Variants in PSG2 observed in about 807,000 individuals in gnomAD.
PSG2 encodes pregnancy specific beta-1-glycoprotein 2.
PSG2 carries 49 observed loss-of-function variants against 36.2 expected under a neutral mutation model. That is an observed-to-expected ratio of 1.35 (90% CI 1.08 to 1.72). The LOEUF (loss-of-function observed/expected upper bound fraction) is 1.72, where lower values mean the gene tolerates loss of function less well. PSG2 is among the 40% of genes most tolerant of loss of function. PSG2 has a pLI of 0.00. For synonymous variants in PSG2, 261 were observed against 155.6 expected (o/e 1.68, Z -5.04); for missense variants, 605 against 407.2 (o/e 1.49, Z -4.18).
intron 2 of PSG2, 111 bp downstream of exon 2, chr19:43,080,770 G>C: frequency 1.3e-6 from 2 of 1,595,120 alleles, no homozygotes; most frequent in Non-Finnish European, 1.7e-6. Flanking sequence ...CCCAGCATGG[G>C]ACATAATGCA....
In PSG2 at chr19:43,071,844, T is replaced by C. The variant is rs1967822146; in HGVS notation, c.820A>G (p.Thr274Ala). Reference protein sequence around the residue: ...NSNPPAQYSWTINGKFQQSGQ... With the variant: ...NSNPPAQYSWAINGKFQQSGQ... ...GATTGCTGAAACTTCCCATTAATTG[T>C]CCAAGAATACTGTGCCGGTGGGTTA... Residue 274 changes from threonine to alanine, a missense_variant, in exon 4 of 6, where the codon ACA (threonine) becomes GCA (alanine). Physicochemically the swap from Thr to Ala is moderately conservative, Grantham distance 58. Coordinates refer to ENST00000406487, the MANE Select transcript of PSG2 (RefSeq NM_031246.4). 1 of 1,613,148 alleles carries C rather than the reference T, an allele frequency of 6.2e-7. No individual in the cohort carries two copies. The highest frequency in any genetic ancestry group is 2.2e-5 in the East Asian group (1 of 44,876).
At chr19:43,079,732 G>T (rs1379098629) in intron 2 of PSG2, among the ~76,000 whole-genome samples, 1 of 151,710 alleles carries the variant, frequency 6.6e-6, no homozygotes, top group Non-Finnish European at 1.5e-5. Flanking sequence ...TAGTTCTGGA[G>T]TACAGATTAA....
chr19:43,071,912 T>C lies in PSG2; in HGVS notation c.752A>G (p.Tyr251Cys), dbSNP rs568375117. The C allele has an allele frequency of 1.8e-4, 295 of 1,612,606 alleles. 6 individuals carry two copies. The South Asian group carries it at 2.8e-3, about 16-fold the overall frequency. Residue 251 changes from tyrosine (Y) to cysteine (C), a missense_variant, in exon 4 of 6, where the codon TAC becomes TGC. By Grantham distance (194) the Tyr-to-Cys change is radical (BLOSUM62 -2). Coordinates refer to ENST00000406487, the MANE Select transcript of PSG2 (RefSeq NM_031246.4). ...LPRIHPSYTN[Y>C]RSGDNLYLSC... ...CAAGTAGAGGTTATCTCCTGAACGG[T>C]AATTGGTGTATGAAGGGTGAATTCT...
intron 3 of PSG2, 120 bp downstream of exon 3, chr19:43,075,234 C>G: frequency 6.3e-7 from 1 of 1,597,710 alleles, no homozygotes; most frequent in Non-Finnish European, 8.6e-7. Context: ...TCATGGCCAG[C>G]TTTGATGCCT....
chr19:43,071,272 C>G (rs529943789), intron 4 of PSG2, among the ~76,000 whole-genome samples: 7 of 151,752 alleles, frequency 4.6e-5, no homozygotes, highest in East Asian at 1.9e-4. Flanking sequence ...GGGCTTCCTC[C>G]TCTCATTTGG....
intron 2 of PSG2, among the ~76,000 whole-genome samples, chr19:43,076,642 G>A (rs1180285942): frequency 6.6e-6 from 1 of 151,556 alleles, no homozygotes; most frequent in Non-Finnish European, 1.5e-5. Flanking sequence ...GTGAATCAGA[G>A]AGTAGAATAG....
In PSG2 at chr19:43,078,817, A is replaced by G. The variant is rs550804756; in HGVS notation, c.430+2064T>C. 1.1e-4 allele frequency among the ~76,000 whole-genome samples: 17 copies of G among 151,776 alleles called. No homozygotes were observed. In the East Asian group the frequency reaches 3.3e-3, roughly 29 times the overall value. ...TTGTGTGTGTGTGCAGGAGGCCAGA[A>G]GAACTTGTCTGACAATGATAAGAGT... is the stretch of plus-strand genomic sequence containing the variant. On this transcript the variant is annotated intron_variant, in intron 2 of 5. Coordinates refer to ENST00000406487, the MANE Select transcript of PSG2 (RefSeq NM_031246.4).
chr19:43,068,885 T>TG (rs1967778739), intron 4 of PSG2, among the ~76,000 whole-genome samples: 1 of 151,450 alleles, frequency 6.6e-6, no homozygotes, highest in African/African-American at 2.4e-5. Flanking sequence ...AGGCAAGAAT[T>TG]TAAAAAAAGA....
In PSG2 at chr19:43,064,617, A is replaced by G. The variant is rs1227412484; in HGVS notation, c.*41-16T>C. ...CATAAATCTCCTTGAAGAAAAAGCA[A>G]TTTTGGACTGTAGGTGATTGTAAGT... On this transcript the variant is annotated splice_polypyrimidine_tract_variant and intron_variant, in intron 5 of 5. Transcript: ENST00000406487. 4 of 635,058 alleles carry G rather than the reference A, an allele frequency of 6.3e-6. No homozygotes were observed. The highest frequency in any genetic ancestry group is 2.2e-5 in the Admixed American group (1 of 44,746). The allele number at this position is 635,058 out of a possible 1,614,324, so 39.3% of individuals were successfully genotyped here. A position where few individuals can be genotyped will look rare whatever the true frequency, so the allele number is the denominator to read the frequency against.
Position 43,081,263 on chromosome 19 carries a change from G to T in PSG2, c.65-17C>A. On this transcript the variant is annotated splice_polypyrimidine_tract_variant and intron_variant, in intron 1 of 5. Transcript: ENST00000406487. ...AAAGTGATGCTAGGAGGTGGAGAGA[G>T]CATCAGACAATATTGAGACCTATGT... 3.7e-6 allele frequency: 6 copies of T among 1,607,238 alleles called. No homozygotes were observed. Among genetic ancestry groups the T allele is most frequent in the Non-Finnish European group, 5.1e-6 (6 of 1,176,750 alleles).
intron 4 of PSG2, among the ~76,000 whole-genome samples, chr19:43,070,879 C>G (rs1266169500): frequency 1.3e-5 from 2 of 151,608 alleles, no homozygotes; most frequent in African/African-American, 4.9e-5. Flanking sequence ...TATAATTACA[C>G]ACTTTTTGGC....
intron 5 of PSG2, among the ~76,000 whole-genome samples, chr19:43,064,906 A>C (rs543753316): frequency 4.0e-5 from 6 of 151,744 alleles, no homozygotes; most frequent in Admixed American, 6.6e-5. Flanking sequence ...ATCTGAGTTC[A>C]CTGCAAGCTC....
intron 5 of PSG2, among the ~76,000 whole-genome samples, chr19:43,066,275 C>T (rs1428206461): frequency 1.3e-5 from 2 of 151,610 alleles, no homozygotes; most frequent in Non-Finnish European, 2.9e-5. Context: ...AATTGTGTTT[C>T]TCATTTGAAT....
intron 3 of PSG2, among the ~76,000 whole-genome samples, chr19:43,074,063 T>A (rs562141699): frequency 6.6e-6 from 1 of 151,842 alleles, no homozygotes; most frequent in Admixed American, 6.6e-5. Flanking sequence ...CTGCACTCGT[T>A]TATTTTTTAA....
intron 2 of PSG2, among the ~76,000 whole-genome samples, chr19:43,079,344 C>T (rs1180418362): frequency 2.0e-5 from 3 of 151,346 alleles, no homozygotes; most frequent in Non-Finnish European, 4.4e-5. Context: ...GGTGGGGTTG[C>T]TTTAGGGGCA....
chr19:43,080,551 C>A (rs1967956909), intron 2 of PSG2, among the ~76,000 whole-genome samples: 1 of 151,680 alleles, frequency 6.6e-6, no homozygotes, highest in African/African-American at 2.4e-5. Flanking sequence ...TCAGGCCAAG[C>A]CCTGCTCAGT....
At chr19:43,071,626 T>G in intron 4 of PSG2, 74 bp downstream of exon 4, 2 of 1,612,004 alleles carry the variant, frequency 1.2e-6, no homozygotes, top group East Asian at 4.5e-5. Flanking sequence ...TAAAAATGTT[T>G]TCCTGACTCT....
chr19:43,074,936 T>C (rs1236128550), intron 3 of PSG2, among the ~76,000 whole-genome samples: 1 of 151,298 alleles, frequency 6.6e-6, no homozygotes, highest in Non-Finnish European at 1.5e-5. Context: ...GAAGAAATGG[T>C]GGGGGCATCC....
intron 5 of PSG2, chr19:43,065,839 T>C (rs1415754113): frequency 4.0e-5 from 6 of 151,744 alleles, no homozygotes; most frequent in African/African-American, 1.2e-4. Flanking sequence ...ATGTTGCTTG[T>C]GATGAAGGGT....
Sources: gnomAD v4.1 joint callset for allele counts (sites outside exome capture counted in the v4.1 genomes callset) on GRCh38, gnomAD v4.1.1 for gene constraint, MANE v1.5 for transcripts, NCBI Gene and HGNC (gene_info 2026-07-23, HGNC 2026-07-21) for gene names.